Variants in POLK observed in about 807,000 individuals in gnomAD.
The protein encoded by POLK is polymerase (DNA directed) kappa.
POLK carries 76 observed loss-of-function variants against 94.0 expected under a neutral mutation model. That is an observed-to-expected ratio of 0.81 (90% confidence interval 0.67 to 0.98). The LOEUF is 0.98. Ranked by LOEUF, POLK falls within the 50% of genes least tolerant of loss-of-function variation. The probability of loss-of-function intolerance (pLI) is 0.00; values close to 1 mark genes in which losing one functional copy is unlikely to be tolerated. For synonymous variants in POLK, 349 were observed against 325.4 expected (o/e 1.07, Z -0.78); for missense variants, 954 against 1,010.1 (o/e 0.94, Z 0.75).
intron 3 of POLK, among the ~76,000 whole-genome samples, chr5:75,563,193 C>T (rs778959939): frequency 2.0e-5 from 3 of 152,078 alleles, no homozygotes; most frequent in South Asian, 4.2e-4. Flanking sequence ...AACTCCCAAC[C>T]GCAGGTGATC....
intron 1 of POLK, among the ~76,000 whole-genome samples, chr5:75,532,215 GT>G (rs1219730346): frequency 6.6e-6 from 1 of 152,164 alleles, no homozygotes; most frequent in East Asian, 1.9e-4. Context: ...CTGATATGTA[GT>G]TTTTCAATCC....
At chr5:75,523,348 G>A (rs1017495020) in intron 1 of POLK, among the ~76,000 whole-genome samples, 3 of 152,174 alleles carry the variant, frequency 2.0e-5, no homozygotes, top group Non-Finnish European at 2.9e-5. Flanking sequence ...AGATCGCACT[G>A]TAGAAATCAG....
In POLK at chr5:75,563,965, C is replaced by T. The variant is rs532216951; in HGVS notation, c.256-5375C>T. ...GAATATCCATGTTAATTTTCTGTCT[C>T]GTTGATCTGTCTAATGTTGACAGTG... is the stretch of plus-strand genomic sequence containing the variant. On this transcript the variant is annotated intron_variant, in intron 3 of 14. Coordinates refer to ENST00000241436, the Ensembl canonical transcript of POLK. Among the ~76,000 whole-genome samples the T allele has an allele frequency of 2.6e-5, 4 of 152,244 alleles. No individual in the cohort carries two copies. In the South Asian group the frequency reaches 6.2e-4, roughly 24 times the overall value.
At chr5:75,604,291 C>G (rs1290018362), downstream of POLK, among the ~76,000 whole-genome samples, 1 of 152,014 alleles carries the variant, frequency 6.6e-6, no homozygotes, top group Admixed American at 6.6e-5. Context: ...TGGAAGAAGG[C>G]TTAAAATATG....
At chr5:75,537,196 A>G (rs1269170721) in intron 1 of POLK, among the ~76,000 whole-genome samples, 1 of 152,182 alleles carries the variant, frequency 6.6e-6, no homozygotes, top group Non-Finnish European at 1.5e-5. Flanking sequence ...CCGGGGCGCA[A>G]AGCTTGTAGA....
intron 1 of POLK, among the ~76,000 whole-genome samples, chr5:75,525,514 A>G (rs1168225959): frequency 1.3e-5 from 2 of 152,200 alleles, no homozygotes; most frequent in Non-Finnish European, 2.9e-5. Flanking sequence ...ACAACAACAG[A>G]AAAGGAAAGT....
Position 75,511,927 on chromosome 5 carries a change from C to G in POLK, c.-14+13C>G. 1 of 1,119,378 alleles carries G rather than the reference C, an allele frequency of 8.9e-7. No individual in the cohort carries two copies. The highest frequency in any genetic ancestry group is 1.3e-6 in the Non-Finnish European group (1 of 789,344). 69.3% of individuals were successfully genotyped at this position (1,119,378 alleles called of 1,614,324 possible). On this transcript the variant is annotated intron_variant, in intron 1 of 14. Transcript: ENST00000241436. The stretch of plus-strand genomic sequence containing the variant: ...CCTGAGGTAACGGGTGAGTATCCCG[C>G]GCGGGGATCGCTTGTCCCCTTGGGG...
chr5:75,569,866 C>T (rs778763785), intron 4 of POLK, among the ~76,000 whole-genome samples: 13 of 152,124 alleles, frequency 8.5e-5, no homozygotes, highest in Non-Finnish European at 1.8e-4. Flanking sequence ...TTGTGAACTG[C>T]ACATGTGAGG....
intron 1 of POLK, among the ~76,000 whole-genome samples, chr5:75,526,673 C>T (rs375768254): frequency 6.6e-6 from 1 of 150,736 alleles, no homozygotes; most frequent in East Asian, 2.0e-4. Flanking sequence ...CCTCCACCTA[C>T]CAGGTTCAAT....
chr5:75,542,739 C>T (rs1035228806), intron 1 of POLK, among the ~76,000 whole-genome samples: 109 of 148,772 alleles, frequency 7.3e-4, no homozygotes, highest in African/African-American at 2.7e-3. Flanking sequence ...ACTCTGTCGC[C>T]CAGGCTGCAG....
intron 1 of POLK, among the ~76,000 whole-genome samples, chr5:75,540,062 G>A (rs1485679731): frequency 6.6e-6 from 1 of 152,088 alleles, no homozygotes; most frequent in Non-Finnish European, 1.5e-5. Flanking sequence ...CAATATCAAG[G>A]TTAGAACTCA....
chr5:75,589,380 T>TACACAC (rs1156672391), intron 10 of POLK, among the ~76,000 whole-genome samples: 57 of 67,756 alleles, frequency 8.4e-4, no homozygotes, highest in African/African-American at 1.9e-3. Context: ...TTTATATATA[T>TACACAC]ACACACATAC....
At chr5:75,584,374 T>C (rs1436605299) in intron 8 of POLK, among the ~76,000 whole-genome samples, 2 of 152,152 alleles carry the variant, frequency 1.3e-5, no homozygotes, top group East Asian at 3.9e-4. Flanking sequence ...CTTGTGAAGA[T>C]AGTCACATTA....
chr5:75,577,940 G>C (rs1771989647), intron 6 of POLK, among the ~76,000 whole-genome samples: 1 of 152,006 alleles, frequency 6.6e-6, no homozygotes, highest in African/African-American at 2.4e-5. Context: ...TCCTTATTTG[G>C]TGTAACTTTA....
chr5:75,590,234 TA>T, intron 10 of POLK, 109 bp from the exon 11 acceptor site: 1 of 521,064 alleles, frequency 1.9e-6, no homozygotes. Flanking sequence ...CTTTATTTTG[TA>T]ATACAGAAAA....
At chr5:75,595,248 GAAAAAAAAA>G (rs58783164) in intron 12 of POLK, among the ~76,000 whole-genome samples, 25 of 24,882 alleles carry the variant, frequency 1.0e-3, no homozygotes, top group South Asian at 2.2e-3. Flanking sequence ...CTCCACCTCA[GAAAAAAAAA>G]AAAAAAAAAA....
chr5:75,558,158 A>G (rs907854004), intron 3 of POLK, among the ~76,000 whole-genome samples: 2 of 151,928 alleles, frequency 1.3e-5, no homozygotes, highest in Non-Finnish European at 2.9e-5. Context: ...TGACTTTTGT[A>G]TATTAACCTT....
At chr5:75,526,258 C>A (rs997749669) in intron 1 of POLK, among the ~76,000 whole-genome samples, 2 of 151,884 alleles carry the variant, frequency 1.3e-5, no homozygotes, top group Non-Finnish European at 2.9e-5. Flanking sequence ...GGGAAGAAAC[C>A]ACTGACAGTA....
At chr5:75,598,848 A>G (rs1450815386) in exon 15 of POLK, 1 of 152,194 alleles carries the variant, frequency 6.6e-6, no homozygotes, top group African/African-American at 2.4e-5. Context: ...CATTTCTATC[A>G]GTACTTTTAT....
Sources: gnomAD v4.1 joint callset for allele counts (sites outside exome capture counted in the v4.1 genomes callset) on GRCh38, gnomAD v4.1.1 for gene constraint, MANE v1.5 for transcripts, NCBI Gene and HGNC (gene_info 2026-07-23, HGNC 2026-07-21) for gene names.